TENT4B: variants seen among roughly 807,000 people sequenced by gnomAD.
TENT4B encodes terminal nucleotidyltransferase 4B.
In TENT4B, 10 loss-of-function variants were observed where a neutral mutation model predicts 75.0. That is an observed-to-expected ratio of 0.13 (90% CI 0.08 to 0.23). The LOEUF (loss-of-function observed/expected upper bound fraction) is 0.23. Among genes scored for constraint, TENT4B ranks in the 10% least tolerant of loss-of-function variants. The pLI, the probability that TENT4B is intolerant of heterozygous loss-of-function variation, is 1.00. For missense variants in TENT4B, 579 were observed against 893.8 expected, an observed-to-expected ratio of 0.65 and a Z score of 4.49; for synonymous variants, 350 against 357.7, an observed-to-expected ratio of 0.98 and a Z score of 0.24.
intron 8 of TENT4B, 33 bp from the exon 9 acceptor site, chr16:50,224,858 C>T (rs1321663831): frequency 6.2e-7 from 1 of 1,610,220 alleles, no homozygotes; most frequent in Non-Finnish European, 8.5e-7. Context: ...AATGTTATTC[C>T]CTCCCTCTCC....
Position 50,229,423 on chromosome 16 carries a change from C to A in TENT4B, c.*95C>A. 2 of 1,472,180 alleles carry A rather than the reference C, an allele frequency of 1.4e-6. No individual in the cohort carries two copies. Among genetic ancestry groups the A allele is most frequent in the Non-Finnish European group, 1.8e-6 (2 of 1,119,308 alleles). The allele number at this position is 1,472,180 out of a possible 1,614,324, so 91.2% of individuals were successfully genotyped here. A position where few individuals can be genotyped will look rare whatever the true frequency, so the allele number is the denominator to read the frequency against. ...CTGGGAGATATTCAGGAGCCTCACA[C>A]TGTTCAGACGTTGACTTAGCAACTG... On this transcript the variant is annotated 3_prime_UTR_variant, in exon 12 of 12. Coordinates refer to ENST00000561678, the MANE Select transcript of TENT4B (RefSeq NM_001365324.3).
chr16:50,154,881 G>T (rs1339377640), intron 1 of TENT4B, among the ~76,000 whole-genome samples: 2 of 152,154 alleles, frequency 1.3e-5, no homozygotes, highest in Non-Finnish European at 2.9e-5. Flanking sequence ...TGTCACAGAT[G>T]CCCTGTCTAT....
chr16:50,165,427 T>G (rs1443550731), intron 1 of TENT4B, among the ~76,000 whole-genome samples: 1 of 152,224 alleles, frequency 6.6e-6, no homozygotes, highest in African/African-American at 2.4e-5. Flanking sequence ...CTACTTATTT[T>G]TATTGAGATA....
chr16:50,154,309 C>G, intron 1 of TENT4B, 50 bp downstream of exon 1: 1 of 1,382,928 alleles, frequency 7.2e-7, no homozygotes, highest in South Asian at 1.7e-5. Context: ...GAATGCGCAG[C>G]CGGGCACACG....
At chr16:50,180,471 C>T (rs2038392260) in intron 1 of TENT4B, among the ~76,000 whole-genome samples, 1 of 152,124 alleles carries the variant, frequency 6.6e-6, no homozygotes, top group South Asian at 2.1e-4. Context: ...CTTTGGGAGG[C>T]CGAGGTGGGC....
upstream of TENT4B, among the ~76,000 whole-genome samples, chr16:50,153,274 C>T (rs1364085677): frequency 7.4e-6 from 1 of 135,716 alleles, no homozygotes; most frequent in African/African-American, 2.8e-5. Flanking sequence ...AGGCGCGTCT[C>T]GCTGCCGCCG....
At position 50,234,609 on chromosome 16, in the gene TENT4B, T is replaced by C. The variant is rs118079968; in HGVS notation, c.*5281T>C. The stretch of plus-strand genomic sequence containing the variant: ...CTAATTTTAAGATCCTCTCTGATTT[T>C]TGCATATTGAAACTTACAGAAGTCA... On this transcript the variant is annotated 3_prime_UTR_variant, in exon 12 of 12. Coordinates refer to ENST00000561678, the MANE Select transcript of TENT4B (RefSeq NM_001365324.3). 1.8e-4 allele frequency: 178 copies of C among 984,734 alleles called. 1 individual carries two copies. In the East Asian group the frequency reaches 0.016, roughly 87 times the overall value. 61.0% of individuals were successfully genotyped at this position (984,734 alleles called of 1,614,324 possible).
In TENT4B at chr16:50,230,372, C is replaced by T; in HGVS notation, c.*1044C>T. On this transcript the variant is annotated 3_prime_UTR_variant, in exon 12 of 12. Transcript: ENST00000561678. The stretch of plus-strand genomic sequence containing the variant: ...GCAGTGAAACTTCGAGTTCCACAGA[C>T]TTTGCATGCTGGCTTCTCTAACCCT... The T allele has an allele frequency of 1.0e-6, 1 of 984,182 alleles. No individual in the cohort carries two copies. The highest frequency in any genetic ancestry group is 1.2e-6 in the Non-Finnish European group (1 of 829,648). The allele number at this position is 984,182 out of a possible 1,614,324, so 61.0% of individuals were successfully genotyped here.
At chr16:50,181,616 T>TA (rs2038418322) in intron 1 of TENT4B, among the ~76,000 whole-genome samples, 1 of 152,080 alleles carries the variant, frequency 6.6e-6, no homozygotes, top group Non-Finnish European at 1.5e-5. Context: ...TCACTTTATT[T>TA]AAAAACCATA....
chr16:50,222,654 T>A (rs564122750), intron 6 of TENT4B, among the ~76,000 whole-genome samples: 1 of 152,352 alleles, frequency 6.6e-6, no homozygotes, highest in East Asian at 1.9e-4. Flanking sequence ...TCCCATACAT[T>A]CTAGTATTTT....
At chr16:50,180,336 C>T (rs1327844981) in intron 1 of TENT4B, among the ~76,000 whole-genome samples, 1 of 152,186 alleles carries the variant, frequency 6.6e-6, no homozygotes, top group East Asian at 1.9e-4. Context: ...AACTCCTAAC[C>T]TTGTGATCTG....
chr16:50,211,286 G>A (rs1276276616), intron 1 of TENT4B, 37 bp from the exon 2 acceptor site: 3 of 1,569,804 alleles, frequency 1.9e-6, no homozygotes, highest in Admixed American at 1.9e-5. Context: ...CATTAGATTG[G>A]CCCTGTTCAT....
intron 1 of TENT4B, among the ~76,000 whole-genome samples, chr16:50,206,354 AT>A (rs35118426): frequency 0.54 from 51,813 of 96,676 alleles, 11,988 homozygotes; most frequent in East Asian, 0.63. Context: ...ATATGTATGT[AT>A]TTTTTTTTTT....
chr16:50,187,200 A>C (rs1224777526), intron 1 of TENT4B, among the ~76,000 whole-genome samples: 2 of 152,154 alleles, frequency 1.3e-5, no homozygotes, highest in African/African-American at 4.8e-5. Context: ...GCTTTCCCTC[A>C]GTGTTTTCTT....
At chr16:50,192,058 A>G (rs571261445) in intron 1 of TENT4B, among the ~76,000 whole-genome samples, 64 of 152,202 alleles carry the variant, frequency 4.2e-4, no homozygotes, top group Non-Finnish European at 3.5e-4. Context: ...CCTGGGCAAC[A>G]TGGTGAAACC....
At chr16:50,188,137 T>A (rs544651606) in intron 1 of TENT4B, among the ~76,000 whole-genome samples, 198 of 152,308 alleles carry the variant, frequency 1.3e-3, no homozygotes, top group Non-Finnish European at 1.9e-3. Flanking sequence ...TCAGTAAAAT[T>A]AAAATTACTT....
At chr16:50,214,954 C>A (rs141750457) in intron 3 of TENT4B, among the ~76,000 whole-genome samples, 1 of 152,178 alleles carries the variant, frequency 6.6e-6, no homozygotes, top group Non-Finnish European at 1.5e-5. Flanking sequence ...CTCACTCTTA[C>A]ACTCACCCTC....
intron 1 of TENT4B, among the ~76,000 whole-genome samples, chr16:50,163,688 C>A (rs1007498235): frequency 6.6e-6 from 1 of 151,176 alleles, no homozygotes. Context: ...CATGAGCCAC[C>A]GCGCCCGGCC....
At chr16:50,166,108 A>G (rs2150675394) in intron 1 of TENT4B, among the ~76,000 whole-genome samples, 1 of 144,230 alleles carries the variant, frequency 6.9e-6, no homozygotes, top group African/African-American at 2.6e-5. Flanking sequence ...TTTGAGGTGA[A>G]GTCTTGCTTT....
Sources: allele counts gnomAD v4.1 joint callset (sites outside exome capture counted in the v4.1 genomes callset), GRCh38; gene constraint gnomAD v4.1.1; transcripts MANE v1.5; gene names NCBI Gene and HGNC (gene_info 2026-07-23, HGNC 2026-07-21).